The following NEK11 variants were observed in gnomAD, a reference collection of about 807,000 sequenced individuals.
NEK11 encodes NIMA related kinase 11.
A neutral mutation model predicts 80.7 loss-of-function variants in NEK11; 72 were observed. The observed-to-expected ratio is 0.89, with a 90% CI of 0.74 to 1.08. The LOEUF is 1.08. NEK11 is among the 50% of genes least tolerant of loss of function. NEK11 has a pLI of 0.00. For missense variants in NEK11, 764 were observed against 763.6 expected (o/e 1.00, Z -0.01); for synonymous variants, 251 against 260.7 (o/e 0.96, Z 0.36).
At chr3:131,130,726 T>A (rs770685006) in intron 5 of NEK11, among the ~76,000 whole-genome samples, 3 of 152,226 alleles carry the variant, frequency 2.0e-5, no homozygotes, top group Non-Finnish European at 4.4e-5. Flanking sequence ...GACTTTCAAG[T>A]GTTAAAGCAG....
At chr3:131,190,502 C>T (rs2150270809) in intron 14 of NEK11, among the ~76,000 whole-genome samples, 1 of 152,224 alleles carries the variant, frequency 6.6e-6, no homozygotes, top group Middle Eastern at 3.4e-3. Context: ...TTGTTCCCTT[C>T]TGTTGCTTCC....
chr3:131,182,427 C>T (rs2093408605), intron 14 of NEK11, among the ~76,000 whole-genome samples: 1 of 152,186 alleles, frequency 6.6e-6, no homozygotes, highest in African/African-American at 2.4e-5. Context: ...GTGAAGTCGC[C>T]AGCATTTATA....
chr3:131,270,600 T>C (rs2096163848), intron 16 of NEK11, among the ~76,000 whole-genome samples: 1 of 152,192 alleles, frequency 6.6e-6, no homozygotes, highest in Admixed American at 6.5e-5. Flanking sequence ...TGTTGGAAGA[T>C]GGGAGGCAGA....
intron 2 of NEK11, among the ~76,000 whole-genome samples, chr3:131,028,625 G>T (rs960972614): frequency 6.6e-6 from 1 of 151,712 alleles, no homozygotes; most frequent in Non-Finnish European, 1.5e-5. Context: ...GGAGTGCAGT[G>T]GCGAGATCTC....
chr3:131,298,042 T>C, intron 17 of NEK11, among the ~76,000 whole-genome samples: 1 of 152,242 alleles, frequency 6.6e-6, no homozygotes, highest in East Asian at 1.9e-4. Flanking sequence ...TTGGTACCAG[T>C]ACCATGCTGT....
At chr3:131,278,534 CA>C (rs1381769398) in intron 17 of NEK11, among the ~76,000 whole-genome samples, 1 of 150,042 alleles carries the variant, frequency 6.7e-6, no homozygotes, top group African/African-American at 2.5e-5. Flanking sequence ...GGTTTCTGTT[CA>C]AAAAAGTTTT....
chr3:131,152,744 A>G (rs141613944), intron 9 of NEK11, 35 bp downstream of exon 9: 153 of 1,423,508 alleles, frequency 1.1e-4, no homozygotes, highest in East Asian at 9.6e-4. Context: ...GGAAACAGGT[A>G]TGAGCATTTG....
chr3:131,201,622 C>T (rs2094231181), intron 14 of NEK11, among the ~76,000 whole-genome samples: 1 of 152,076 alleles, frequency 6.6e-6, no homozygotes, highest in Admixed American at 6.5e-5. Flanking sequence ...TTCACCACAA[C>T]ATTGAAGTGT....
rs201899212 is a variant in NEK11, at chr3:131,098,233, A to T, written c.337-11570A>T. ...GAAAACCTAGGCATTACAATTCAGGACATAGGCATGGGCAAGGACTTCATG... is the reference window on the plus strand; with the variant it reads ...GAAAACCTAGGCATTACAATTCAGGTCATAGGCATGGGCAAGGACTTCATG... On this transcript the variant is annotated intron_variant, in intron 4 of 17. Transcript: ENST00000383366. Among the ~76,000 whole-genome samples the T allele has an allele frequency of 1.1e-3, 163 of 152,356 alleles. No individual in the cohort carries two copies. In the East Asian group the frequency reaches 0.022, roughly 21 times the overall value.
At chr3:131,308,009 G>A (rs1001544692) in intron 17 of NEK11, among the ~76,000 whole-genome samples, 1 of 152,172 alleles carries the variant, frequency 6.6e-6, no homozygotes, top group African/African-American at 2.4e-5. Context: ...ACTTGAAGAA[G>A]GAAAAATAAC....
At chr3:131,134,094 G>T in intron 7 of NEK11, 138 bp downstream of exon 7, 1 of 707,628 alleles carries the variant, frequency 1.4e-6, no homozygotes, top group Non-Finnish European at 2.1e-6. Context: ...AGTAAAAGAA[G>T]GTCTTTTGCA....
chr3:131,211,738 C>T (rs1032453634), intron 14 of NEK11, among the ~76,000 whole-genome samples: 1 of 152,058 alleles, frequency 6.6e-6, no homozygotes, highest in Non-Finnish European at 1.5e-5. Flanking sequence ...CCACTGATAC[C>T]CTCTCTTCCA....
intron 17 of NEK11, among the ~76,000 whole-genome samples, chr3:131,347,866 G>A (rs1321080746): frequency 1.3e-5 from 2 of 151,644 alleles, no homozygotes; most frequent in Non-Finnish European, 2.9e-5. Context: ...TTGAACCTGG[G>A]AGGCAGAGGA....
In NEK11 at chr3:131,168,868, G is replaced by A. The variant is rs1454750033; in HGVS notation, c.1215G>A (p.Glu405=). The change falls in exon 13 of 18, where the codon GAG becomes GAA. Residue 405 remains glutamate, a synonymous_variant. Transcript: ENST00000383366. ...TAAAAGGAATGGAAGAAAAGGAGGA[G>A]CAACCTGAGGGAAGACTTTCTTGTT... ...THLKGMEEKE[E]QPEGRLSCSP... is the part of the protein sequence containing the mutation. 2 of 1,613,844 alleles carry A rather than the reference G, an allele frequency of 1.2e-6. No individual in the cohort carries two copies. The highest frequency in any genetic ancestry group is 1.7e-5 in the Admixed American group (1 of 59,994).
At chr3:131,261,185 G>A (rs2095912697) in intron 16 of NEK11, among the ~76,000 whole-genome samples, 1 of 152,150 alleles carries the variant, frequency 6.6e-6, no homozygotes, top group African/African-American at 2.4e-5. Flanking sequence ...ATAGAAGTAG[G>A]AGGAATCCTG....
At chr3:131,066,076 T>A (rs1331418267) in intron 3 of NEK11, among the ~76,000 whole-genome samples, 2 of 152,226 alleles carry the variant, frequency 1.3e-5, no homozygotes, top group Admixed American at 1.3e-4. Context: ...CTTTGACATG[T>A]TAACATGGTT....
chr3:131,206,386 T>G (rs186931616), intron 14 of NEK11, among the ~76,000 whole-genome samples: 10 of 152,350 alleles, frequency 6.6e-5, no homozygotes, highest in Admixed American at 3.3e-4. Context: ...ATTTTTAAAC[T>G]TAACAAAGGT....
At chr3:131,333,039 C>T (rs2097120071) in intron 17 of NEK11, among the ~76,000 whole-genome samples, 1 of 152,220 alleles carries the variant, frequency 6.6e-6, no homozygotes, top group Non-Finnish European at 1.5e-5. Context: ...TTGGAAAACA[C>T]TCTGCAGGAT....
chr3:131,258,883 A>C (rs2095863339), intron 16 of NEK11, among the ~76,000 whole-genome samples: 1 of 152,162 alleles, frequency 6.6e-6, no homozygotes, highest in Non-Finnish European at 1.5e-5. Flanking sequence ...TAGGCAGTGG[A>C]GTCCTATTGA....
Sources: allele counts gnomAD v4.1 joint callset (sites outside exome capture counted in the v4.1 genomes callset), GRCh38; gene constraint gnomAD v4.1.1; transcripts MANE v1.5; gene names NCBI Gene and HGNC (gene_info 2026-07-23, HGNC 2026-07-21).